The following ARHGAP28 variants were observed in gnomAD, a reference collection of about 807,000 sequenced individuals.
The protein encoded by ARHGAP28 is rho GTPase-activating protein 28.
A neutral mutation model predicts 90.7 loss-of-function variants in ARHGAP28; 56 were observed. That is an observed-to-expected ratio of 0.62 (90% CI 0.50 to 0.77). The LOEUF (loss-of-function observed/expected upper bound fraction) is 0.77. Ranked by LOEUF, ARHGAP28 falls within the 30% of genes least tolerant of loss-of-function variation. The probability of loss-of-function intolerance (pLI) is 0.00; values close to 1 mark genes in which losing one functional copy is unlikely to be tolerated. For synonymous variants in ARHGAP28, 308 were observed against 323.3 expected, an observed-to-expected ratio of 0.95 and a Z score of 0.51; for missense variants, 869 against 900.9, an observed-to-expected ratio of 0.96 and a Z score of 0.45.
intron 16 of ARHGAP28, among the ~76,000 whole-genome samples, chr18:6,902,010 A>G (rs2143821583): frequency 6.6e-6 from 1 of 152,226 alleles, no homozygotes; most frequent in Non-Finnish European, 1.5e-5. Context: ...ATCTTTACTC[A>G]TTTTAGGTGC....
chr18:6,866,840 G>A (rs995746757), intron 5 of ARHGAP28, among the ~76,000 whole-genome samples: 16 of 152,264 alleles, frequency 1.1e-4, no homozygotes, highest in Non-Finnish European at 1.9e-4. Context: ...TCAGTTTCAA[G>A]CCCTAAATAA....
chr18:6,914,173 T>C lies in ARHGAP28; in HGVS notation c.*2019T>C, dbSNP rs2057412621. On this transcript the variant is annotated 3_prime_UTR_variant, in exon 18 of 18. Coordinates refer to ENST00000383472, the MANE Select transcript of ARHGAP28 (RefSeq NM_001366230.1). Reference sequence around the variant, plus strand: ...TTGACTGAAAACACATTAGAACCTATGAGTAAATTCTGAAGGTTTTAAGAT... The same window carrying C: ...TTGACTGAAAACACATTAGAACCTACGAGTAAATTCTGAAGGTTTTAAGAT... 6.6e-6 allele frequency: 1 copy of C among 152,246 alleles called. No individual in the cohort carries two copies. The highest frequency in any genetic ancestry group is 1.5e-5 in the Non-Finnish European group (1 of 68,036). 9.4% of individuals were successfully genotyped at this position (152,246 alleles called of 1,614,324 possible).
chr18:6,857,838 G>A (rs113745187), intron 4 of ARHGAP28, among the ~76,000 whole-genome samples: 2,833 of 152,336 alleles, frequency 0.019, 55 homozygotes, highest in Middle Eastern at 0.027. Flanking sequence ...TTTTCCGATT[G>A]TATAGGAAAT....
chr18:6,893,705 G>A (rs1404937327), intron 14 of ARHGAP28, among the ~76,000 whole-genome samples: 4 of 152,060 alleles, frequency 2.6e-5, no homozygotes, highest in African/African-American at 9.7e-5. Flanking sequence ...CACGGTGTGT[G>A]TGTGTGTAAA....
chr18:6,841,080 C>G (rs2056804358), intron 3 of ARHGAP28, among the ~76,000 whole-genome samples: 1 of 150,546 alleles, frequency 6.6e-6, no homozygotes, highest in Admixed American at 6.6e-5. Flanking sequence ...ACCAATTCCT[C>G]TGTTCCTCCT....
At chr18:6,792,576 C>G (rs1009016268) in intron 1 of ARHGAP28, among the ~76,000 whole-genome samples, 10 of 152,152 alleles carry the variant, frequency 6.6e-5, no homozygotes, top group Admixed American at 6.5e-4. Flanking sequence ...GAAAACGCTC[C>G]CACAGCATTC....
chr18:6,733,772 G>A (rs1013624911), intron 1 of ARHGAP28, among the ~76,000 whole-genome samples: 8 of 152,138 alleles, frequency 5.3e-5, no homozygotes, highest in Non-Finnish European at 4.4e-5. Flanking sequence ...GGAAGTTTTA[G>A]CAAACATATT....
chr18:6,785,325 G>C (rs2056357131), intron 1 of ARHGAP28, among the ~76,000 whole-genome samples: 2 of 152,126 alleles, frequency 1.3e-5, no homozygotes, highest in South Asian at 4.1e-4. Context: ...TGATTTAACT[G>C]TTCATTCATT....
chr18:6,875,039 A>G (rs922347624), intron 9 of ARHGAP28: 3 of 152,212 alleles, frequency 2.0e-5, no homozygotes, highest in Non-Finnish European at 4.4e-5. Flanking sequence ...TTGAGTTGAA[A>G]CCAGCATTGT....
At chr18:6,815,615 C>T (rs2056584982) in intron 1 of ARHGAP28, among the ~76,000 whole-genome samples, 1 of 152,096 alleles carries the variant, frequency 6.6e-6, no homozygotes, top group Non-Finnish European at 1.5e-5. Context: ...TCTCTCCCTC[C>T]CTCAGACAAA....
chr18:6,786,413 T>A (rs1600182870), intron 1 of ARHGAP28, among the ~76,000 whole-genome samples: 1 of 152,056 alleles, frequency 6.6e-6, no homozygotes, highest in East Asian at 1.9e-4. Flanking sequence ...CTGGTGTCAA[T>A]GAGGATAAAA....
intron 16 of ARHGAP28, among the ~76,000 whole-genome samples, chr18:6,903,697 G>C (rs1232791976): frequency 6.6e-6 from 1 of 151,854 alleles, no homozygotes; most frequent in Non-Finnish European, 1.5e-5. Context: ...TGAGCGTGGT[G>C]GTGGGCGCCT....
rs771523079 is a variant in ARHGAP28, at chr18:6,876,214, G to A, written c.1290+6G>A. 1.3e-4 allele frequency: 204 copies of A among 1,612,278 alleles called. 1 individual carries two copies. Among genetic ancestry groups the A allele is most frequent in the Non-Finnish European group, 6.8e-5 (80 of 1,178,536 alleles). On this transcript the variant is annotated splice_donor_region_variant and intron_variant, in intron 10 of 17. Transcript: ENST00000383472. ...GATGTACTGCTAAAGTCAAGGTACC[G>A]AACATTTTGTCTCTTCCTAGGTAGA...
At chr18:6,768,253 C>T (rs1348376979) in intron 1 of ARHGAP28, among the ~76,000 whole-genome samples, 2 of 152,014 alleles carry the variant, frequency 1.3e-5, no homozygotes, top group Non-Finnish European at 2.9e-5. Context: ...CTAATTCCGC[C>T]ACCCTTGACT....
At chr18:6,870,283 C>T (rs1414707622) in intron 6 of ARHGAP28, among the ~76,000 whole-genome samples, 4 of 152,114 alleles carry the variant, frequency 2.6e-5, no homozygotes, top group Non-Finnish European at 4.4e-5. Context: ...TAGAAATACC[C>T]TATTTTGGAC....
chr18:6,768,811 C>T (rs950495925), intron 1 of ARHGAP28, among the ~76,000 whole-genome samples: 6 of 152,102 alleles, frequency 3.9e-5, no homozygotes, highest in African/African-American at 1.4e-4. Context: ...CTTCCCCTTG[C>T]TGTGCTGCTG....
rs182124553 is a variant in ARHGAP28 at position 6,747,936 on chromosome 18, G to A, written c.122+17993G>A. On this transcript the variant is annotated intron_variant, in intron 1 of 17. Transcript: ENST00000383472. ...ACCAAAGGCACATGGGGTAAGCAGA[G>A]GGGGAAGGCTTTAACTCGACACTAA... is the stretch of plus-strand genomic sequence containing the variant. Among the ~76,000 whole-genome samples, 132 of 152,288 alleles carry A rather than the reference G, an allele frequency of 8.7e-4. No homozygotes were observed. In the Middle Eastern group the frequency reaches 0.01, roughly 12 times the overall value.
intron 4 of ARHGAP28, among the ~76,000 whole-genome samples, chr18:6,858,530 T>C (rs2056972096): frequency 6.8e-6 from 1 of 146,290 alleles, no homozygotes; most frequent in South Asian, 2.2e-4. Flanking sequence ...CAGTTCACCA[T>C]CTTGACTTAA....
At chr18:6,822,227 A>T (rs999669979) in intron 1 of ARHGAP28, among the ~76,000 whole-genome samples, 1 of 152,130 alleles carries the variant, frequency 6.6e-6, no homozygotes, top group South Asian at 2.1e-4. Context: ...TACTATTAAG[A>T]CTGTCTTTTT....
Sources: gnomAD v4.1 joint callset for allele counts (sites outside exome capture counted in the v4.1 genomes callset) on GRCh38, gnomAD v4.1.1 for gene constraint, MANE v1.5 for transcripts, NCBI Gene and HGNC (gene_info 2026-07-23, HGNC 2026-07-21) for gene names.